Variants in PBLD observed in about 807,000 individuals in gnomAD.
PBLD encodes the protein phenazine biosynthesis like protein domain containing, also known as phenazine biosynthesis-like domain-containing protein.
PBLD carries 26 observed loss-of-function variants against 31.3 expected under a neutral mutation model. The observed-to-expected ratio is 0.83, with a 90% CI of 0.61 to 1.15. PBLD has a LOEUF of 1.15. Among genes scored for constraint, PBLD ranks in the 50% most tolerant of loss-of-function variants. The pLI, the probability that PBLD is intolerant of heterozygous loss-of-function variation, is 0.00. For missense variants in PBLD, 307 were observed against 351.7 expected (o/e 0.87, Z 1.02); for synonymous variants, 114 against 129.0 (o/e 0.88, Z 0.79).
intron 1 of PBLD, among the ~76,000 whole-genome samples, chr10:68,311,449 G>A (rs1028971655): frequency 6.6e-6 from 1 of 152,098 alleles, no homozygotes; most frequent in African/African-American, 2.4e-5. Context: ...AGCCAGGTGT[G>A]GTGGCGGGCG....
intron 1 of PBLD, among the ~76,000 whole-genome samples, chr10:68,316,811 G>A (rs11492355): frequency 0.044 from 6,649 of 152,124 alleles, 178 homozygotes; most frequent in African/African-American, 0.052. Flanking sequence ...TCAGGAGTTC[G>A]AGACCACCCT....
At chr10:68,319,112 G>GAAAGAAAGAAAGA (rs1564737587) in intron 1 of PBLD, among the ~76,000 whole-genome samples, 1 of 48,404 alleles carries the variant, frequency 2.1e-5, no homozygotes, top group Non-Finnish European at 3.6e-5. Context: ...AGAAAGAAAG[G>GAAAGAAAGAAAGA]AAAAAGAAAG....
chr10:68,321,647 A>G (rs914072178), intron 1 of PBLD, among the ~76,000 whole-genome samples: 1 of 152,232 alleles, frequency 6.6e-6, no homozygotes, highest in African/African-American at 2.4e-5. Flanking sequence ...TGATTCTAGC[A>G]TAAGTGCAGG....
At position 68,297,003 on chromosome 10, in the gene PBLD, G is replaced by A. The variant is rs370151788; in HGVS notation, c.85-18C>T. The A allele has an allele frequency of 8.9e-6, 14 of 1,572,318 alleles. No homozygotes were observed. Among genetic ancestry groups the A allele is most frequent in the African/African-American group, 5.4e-5 (4 of 74,010 alleles). On this transcript the variant is annotated intron_variant, in intron 2 of 9. Transcript: ENST00000358769. The stretch of plus-strand genomic sequence containing the variant: ...TCCAATTCCTTAATTAGAAACAGAC[G>A]ATCATTGAGGTTTCAAAAACACAGA...
chr10:68,309,124 T>C lies in PBLD; in HGVS notation c.-59-2221A>G, dbSNP rs542503498. Among the ~76,000 whole-genome samples the C allele has an allele frequency of 1.3e-3, 189 of 149,970 alleles. 6 individuals carry two copies. The highest frequency in any genetic ancestry group is 2.4e-3 in the Non-Finnish European group (161 of 67,760). ...TGTTAGCACAAAAGAACCCACTTCA[T>C]GGCCTGGTGCAGTGGCTCACGCCTG... On this transcript the variant is annotated intron_variant, in intron 1 of 9. Coordinates refer to ENST00000358769, the MANE Select transcript of PBLD (RefSeq NM_022129.4).
intron 4 of PBLD, among the ~76,000 whole-genome samples, chr10:68,292,544 G>C (rs1347098919): frequency 6.8e-6 from 1 of 146,296 alleles, no homozygotes; most frequent in African/African-American, 2.5e-5. Context: ...TGGTCTCACT[G>C]TGTTGCCCAG....
chr10:68,286,821 G>A (rs12765827), intron 8 of PBLD, among the ~76,000 whole-genome samples: 113,345 of 152,086 alleles, frequency 0.75, 43,033 homozygotes, highest in Middle Eastern at 0.84. Context: ...GAAAAAGATG[G>A]GGAGGAAAAG....
At chr10:68,288,131 C>T in intron 8 of PBLD, 2 of 239,980 alleles carry the variant, frequency 8.3e-6, no homozygotes. Context: ...TGTATTAAGC[C>T]CTTAACATGC....
intron 1 of PBLD, among the ~76,000 whole-genome samples, chr10:68,316,110 G>C (rs752453398): frequency 2.6e-5 from 4 of 152,014 alleles, no homozygotes; most frequent in Non-Finnish European, 5.9e-5. Flanking sequence ...ACCATACAAA[G>C]AATAAAGAGT....
chr10:68,299,064 G>T (rs1486784802), intron 2 of PBLD, among the ~76,000 whole-genome samples: 1 of 120,750 alleles, frequency 8.3e-6, no homozygotes, highest in South Asian at 2.8e-4. Context: ...CCAAGATCGC[G>T]CCACTGCACT....
At chr10:68,308,847 T>TGTGTGG (rs2044619168) in intron 1 of PBLD, among the ~76,000 whole-genome samples, 3 of 135,234 alleles carry the variant, frequency 2.2e-5, no homozygotes, top group Non-Finnish European at 3.0e-5. Flanking sequence ...ACCTGCATGG[T>TGTGTGG]GTGTGTGTGT....
At chr10:68,331,566 C>T (rs138330973) in intron 1 of PBLD, 1 of 152,274 alleles carries the variant, frequency 6.6e-6, no homozygotes, top group Non-Finnish European at 1.5e-5. Context: ...CTTCGCGGCC[C>T]AGAAACACTC....
At chr10:68,293,107 C>T (rs553228282) in intron 4 of PBLD, among the ~76,000 whole-genome samples, 32 of 152,266 alleles carry the variant, frequency 2.1e-4, no homozygotes, top group African/African-American at 7.2e-4. Context: ...GCAATCCTCC[C>T]GCCTTGGCTC....
chr10:68,288,549 G>T lies in PBLD; in HGVS notation c.625C>A (p.Gln209Lys), dbSNP rs777420904. The part of the protein sequence containing the change: ...TLKGEPGGQT[Q>K]AFDFYSRYFA... Reference sequence around the variant, plus strand: ...TATCTTGAGTAAAAGTCAAATGCTTGGGTCTGCCCACCAGGCTCTCCTTTA... The same window carrying T: ...TATCTTGAGTAAAAGTCAAATGCTTTGGTCTGCCCACCAGGCTCTCCTTTA... Residue 209 changes from glutamine to lysine, a missense_variant, in exon 8 of 10, where the codon CAA (glutamine) becomes AAA (lysine). By Grantham distance (53) the Gln-to-Lys change is moderately conservative. Transcript: ENST00000358769. 2 of 1,614,172 alleles carry T rather than the reference G, an allele frequency of 1.2e-6. No homozygotes were observed. The highest frequency in any genetic ancestry group is 2.2e-5 in the South Asian group (2 of 91,078).
At chr10:68,316,260 C>G (rs2044735174) in intron 1 of PBLD, among the ~76,000 whole-genome samples, 1 of 151,964 alleles carries the variant, frequency 6.6e-6, no homozygotes, top group South Asian at 2.1e-4. Flanking sequence ...AGAAGCATGT[C>G]TCATCAAATA....
intron 8 of PBLD, chr10:68,288,241 G>T: frequency 2.0e-6 from 1 of 491,378 alleles, no homozygotes; most frequent in Non-Finnish European, 3.6e-6. Flanking sequence ...CAAAAGCTAG[G>T]AAGCTAGGAA....
At chr10:68,299,494 T>C (rs1401003530) in intron 2 of PBLD, among the ~76,000 whole-genome samples, 1 of 152,142 alleles carries the variant, frequency 6.6e-6, no homozygotes, top group African/African-American at 2.4e-5. Flanking sequence ...CATATAATTA[T>C]ATAGGGCATA....
intron 1 of PBLD, among the ~76,000 whole-genome samples, chr10:68,330,318 A>G (rs1321328635): frequency 2.0e-5 from 3 of 152,076 alleles, no homozygotes; most frequent in Non-Finnish European, 4.4e-5. Context: ...CATCCTACAC[A>G]CTGCAGATCT....
In PBLD at chr10:68,329,797, A is replaced by G. The variant is rs141314982; in HGVS notation, c.-60+2987T>C. 2.4e-3 allele frequency among the ~76,000 whole-genome samples: 364 copies of G among 152,250 alleles called. 1 individual carries two copies. The highest frequency in any genetic ancestry group is 3.4e-3 in the Non-Finnish European group (232 of 68,012). On this transcript the variant is annotated intron_variant, in intron 1 of 9. Coordinates refer to ENST00000358769, the MANE Select transcript of PBLD (RefSeq NM_022129.4). ...ACATAACCTCAATTTTCCAAAAATG[A>G]TGTCTGTTTCCTTAAGTTATAGATA...
Sources: allele counts gnomAD v4.1 joint callset (sites outside exome capture counted in the v4.1 genomes callset), GRCh38; gene constraint gnomAD v4.1.1; transcripts MANE v1.5; gene names NCBI Gene and HGNC (gene_info 2026-07-23, HGNC 2026-07-21).